CDC123: variants seen among roughly 807,000 people sequenced by gnomAD.
CDC123 encodes cell division cycle 123, also known as translation initiation factor eIF2 assembly protein.
A neutral mutation model predicts 54.4 loss-of-function variants in CDC123; 37 were observed. The observed-to-expected ratio is 0.68, with a 90% CI of 0.52 to 0.89. The LOEUF (loss-of-function observed/expected upper bound fraction) is 0.89, where lower values mean the gene tolerates loss of function less well. CDC123 is among the 40% of genes least tolerant of loss of function. The pLI is 0.00. For synonymous variants in CDC123, 144 were observed against 136.8 expected (o/e 1.05, Z -0.37); for missense variants, 361 against 412.1 (o/e 0.88, Z 1.07).
At chr10:12,245,937 G>C (rs1431671711) in intron 10 of CDC123, 2 of 457,026 alleles carry the variant, frequency 4.4e-6, no homozygotes, top group Non-Finnish European at 7.8e-6. Flanking sequence ...GCATGTGGTG[G>C]TGCATGCCTG....
chr10:12,216,029 G>A (rs1835658948), intron 5 of CDC123, among the ~76,000 whole-genome samples, 194 bp downstream of exon 5: 1 of 152,072 alleles, frequency 6.6e-6, no homozygotes, highest in Non-Finnish European at 1.5e-5. Context: ...GTGAAATACT[G>A]TATATTCTGC....
At chr10:12,230,262 G>A (rs760707231) in intron 6 of CDC123, among the ~76,000 whole-genome samples, 5 of 151,404 alleles carry the variant, frequency 3.3e-5, no homozygotes, top group East Asian at 3.9e-4. Context: ...GCACTGTCTC[G>A]GCTCACTGCA....
Position 12,239,784 on chromosome 10 carries a change from A to G in CDC123, c.717+1299A>G, listed in dbSNP as rs1588682805. On this transcript the variant is annotated intron_variant, in intron 10 of 12. Transcript: ENST00000281141. ...AGCACTTTGGGAGGCCGAGACGGGCAGATCACGAGGTCAGGAGATCGAGAC... is the reference window on the plus strand; with the variant it reads ...AGCACTTTGGGAGGCCGAGACGGGCGGATCACGAGGTCAGGAGATCGAGAC... Among the ~76,000 whole-genome samples, 6 of 151,882 alleles carry G rather than the reference A, an allele frequency of 4.0e-5. No individual in the cohort carries two copies. The East Asian group carries it at 1.2e-3, about 29-fold the overall frequency.
At chr10:12,202,781 A>G (rs1292687628) in intron 2 of CDC123, among the ~76,000 whole-genome samples, 1 of 152,222 alleles carries the variant, frequency 6.6e-6, no homozygotes, top group East Asian at 1.9e-4. Context: ...TTGGGAGCCC[A>G]AGGCGGGCGG....
rs533667025 is a variant in CDC123 at position 12,246,245 on chromosome 10, G to A, written c.814G>A (p.Gly272Ser). ...EELISENNLN[G>S]DFSEVDAQEQ... ...ACTGATATCTGAGAACAACTTAAAC[G>A]GCGATTTTAGTGAAGTTGACGCTCA... The change falls in exon 11 of 13, where the codon GGC becomes AGC. Residue 272 changes from glycine (G) to serine (S), a missense_variant. Coordinates refer to ENST00000281141, the MANE Select transcript of CDC123 (RefSeq NM_006023.3). 30 of 1,614,064 alleles carry A rather than the reference G, an allele frequency of 1.9e-5. No individual in the cohort carries two copies. Among genetic ancestry groups the A allele is most frequent in the South Asian group, 4.4e-5 (4 of 91,064 alleles).
At chr10:12,246,594 G>A in intron 11 of CDC123, 1 of 207,924 alleles carries the variant, frequency 4.8e-6, no homozygotes, top group Non-Finnish European at 9.7e-6. Flanking sequence ...AGCCCCAGCT[G>A]CTGAGGCCGA....
At chr10:12,240,046 T>G (rs1285595593) in intron 10 of CDC123, among the ~76,000 whole-genome samples, 1 of 151,794 alleles carries the variant, frequency 6.6e-6, no homozygotes, top group African/African-American at 2.4e-5. Context: ...TTATTTTTAG[T>G]CAACTAAAAG....
chr10:12,207,009 C>T (rs1030397990), intron 2 of CDC123, among the ~76,000 whole-genome samples: 3 of 151,058 alleles, frequency 2.0e-5, no homozygotes, highest in Non-Finnish European at 4.4e-5. Context: ...CATTTTTGCC[C>T]ATTTAAGGTA....
intron 11 of CDC123, among the ~76,000 whole-genome samples, chr10:12,248,752 GCTGAGATTGCTC>G (rs1163963395): frequency 6.6e-6 from 1 of 151,704 alleles, no homozygotes; most frequent in Non-Finnish European, 1.5e-5. Flanking sequence ...GTTGCGATGA[GCTGAGATTGCTC>G]CATTGCATCC....
At chr10:12,244,145 A>G (rs1047851100) in intron 10 of CDC123, among the ~76,000 whole-genome samples, 3 of 152,236 alleles carry the variant, frequency 2.0e-5, no homozygotes, top group Admixed American at 1.3e-4. Flanking sequence ...AGTCCTAATT[A>G]GATGTTGCAT....
chr10:12,223,857 C>T (rs770401650), intron 6 of CDC123, among the ~76,000 whole-genome samples: 5 of 151,918 alleles, frequency 3.3e-5, no homozygotes, highest in African/African-American at 1.2e-4. Flanking sequence ...TGTATTTCCC[C>T]CTGTATTTTT....
At chr10:12,228,032 C>T (rs1240869342) in intron 6 of CDC123, among the ~76,000 whole-genome samples, 2 of 151,866 alleles carry the variant, frequency 1.3e-5, no homozygotes, top group African/African-American at 4.8e-5. Flanking sequence ...AACTCCGGAG[C>T]TCAAGTGATC....
At chr10:12,231,936 C>T (rs1305601453) in intron 7 of CDC123, among the ~76,000 whole-genome samples, 1 of 152,034 alleles carries the variant, frequency 6.6e-6, no homozygotes, top group Non-Finnish European at 1.5e-5. Context: ...ACCTCTGCCT[C>T]CTGGACTAAA....
intron 6 of CDC123, among the ~76,000 whole-genome samples, chr10:12,227,534 A>G (rs961500134): frequency 4.7e-5 from 7 of 150,372 alleles, no homozygotes; most frequent in Middle Eastern, 3.2e-3. Flanking sequence ...GTCTCACTCT[A>G]TTGCCCAGGC....
intron 11 of CDC123, among the ~76,000 whole-genome samples, chr10:12,248,187 C>T (rs915357242): frequency 1.4e-4 from 21 of 152,154 alleles, no homozygotes; most frequent in Non-Finnish European, 8.8e-5. Flanking sequence ...TCACAGTGTT[C>T]TCTTGTGAGC....
chr10:12,210,862 G>A (rs1325536254), intron 4 of CDC123, among the ~76,000 whole-genome samples: 1 of 151,930 alleles, frequency 6.6e-6, no homozygotes, highest in Admixed American at 6.6e-5. Context: ...CACCATGCCC[G>A]GCTAATTTTT....
intron 6 of CDC123, among the ~76,000 whole-genome samples, chr10:12,225,845 G>A (rs1197746330): frequency 2.0e-5 from 3 of 148,062 alleles, no homozygotes; most frequent in Admixed American, 1.4e-4. Context: ...AATAGTGGAG[G>A]GAAGGTAAGC....
chr10:12,240,278 T>C (rs898179769), intron 10 of CDC123, among the ~76,000 whole-genome samples: 1 of 152,206 alleles, frequency 6.6e-6, no homozygotes, highest in Non-Finnish European at 1.5e-5. Flanking sequence ...TGTTTGGTGC[T>C]GAGTGCTCTT....
Position 12,229,251 on chromosome 10 carries a change from T to C in CDC123, c.441-1697T>C, listed in dbSNP as rs1199913997. 2.0e-5 allele frequency among the ~76,000 whole-genome samples: 3 copies of C among 152,280 alleles called. No individual in the cohort carries two copies. In the East Asian group the frequency reaches 5.8e-4, roughly 29 times the overall value. ...AAACCCCTGGTACCTGTGAACACAG[T>C]GATATTCTTAACGCCTAAATGGAAT... is the stretch of plus-strand genomic sequence containing the variant. On this transcript the variant is annotated intron_variant, in intron 6 of 12. Coordinates refer to ENST00000281141, the MANE Select transcript of CDC123 (RefSeq NM_006023.3).
Sources: allele counts gnomAD v4.1 joint callset (sites outside exome capture counted in the v4.1 genomes callset), GRCh38; gene constraint gnomAD v4.1.1; transcripts MANE v1.5; gene names NCBI Gene and HGNC (gene_info 2026-07-23, HGNC 2026-07-21).